Variants in CACNA1C observed in about 807,000 individuals in gnomAD.
CACNA1C encodes the protein voltage-dependent L-type calcium channel subunit alpha-1C.
Under a neutral mutation model 229.0 loss-of-function variants are expected in CACNA1C, and 30 were observed. The observed-to-expected ratio is 0.13, with a 90% CI of 0.10 to 0.18. The LOEUF is 0.18. CACNA1C is among the 10% of genes least tolerant of loss of function. The probability of loss-of-function intolerance (pLI) is 1.00; values close to 1 mark genes in which losing one functional copy is unlikely to be tolerated. For missense variants in CACNA1C, 1,658 were observed against 2,845.0 expected, an observed-to-expected ratio of 0.58 and a Z score of 9.49; for synonymous variants, 1,114 against 1,132.5, an observed-to-expected ratio of 0.98 and a Z score of 0.33.
At chr12:2,087,692 G>GA (rs1227969526) in intron 1 of CACNA1C, among the ~76,000 whole-genome samples, 3 of 152,104 alleles carry the variant, frequency 2.0e-5, no homozygotes, top group Non-Finnish European at 4.4e-5. Context: ...TGCTTTCCTA[G>GA]AAAAAAATGG....
rs1265155248 is a variant in CACNA1C at position 2,403,725 on chromosome 12, C to A, written c.478-45251C>A. On this transcript the variant is annotated intron_variant, in intron 3 of 46. Transcript: ENST00000399655. This position sits in a 1 kb window ranked among gnomAD's most constrained non-coding sequence, Gnocchi z 4.1. The stretch of plus-strand genomic sequence containing the variant: ...CTCCATCTCTCCAGTCCAGCCCCCA[C>A]CATCTCCCAGTGAGCCCCAGGTAGA... Among the ~76,000 whole-genome samples, 1 of 152,162 alleles carries A rather than the reference C, an allele frequency of 6.6e-6. No homozygotes were observed. The highest frequency in any genetic ancestry group is 1.5e-5 in the Non-Finnish European group (1 of 68,036).
intron 18 of CACNA1C, among the ~76,000 whole-genome samples, chr12:2,588,519 G>A (rs1046289116): frequency 7.2e-5 from 11 of 152,212 alleles, no homozygotes; most frequent in African/African-American, 2.7e-4. Context: ...GTGGCCAAGT[G>A]GGAGCTGGAC....
chr12:2,615,821 T>TGGGGGGGAGGAGCTGCA (rs2080220884), intron 29 of CACNA1C, among the ~76,000 whole-genome samples: 2 of 152,098 alleles, frequency 1.3e-5, no homozygotes, highest in Non-Finnish European at 2.9e-5. Flanking sequence ...GCAAGGGTAC[T>TGGGGGGGAGGAGCTGCA]GGGGGGGAGG....
chr12:2,031,443 A>C (rs993735910), intron 1 of CACNA1C, among the ~76,000 whole-genome samples: 5 of 152,128 alleles, frequency 3.3e-5, no homozygotes, highest in African/African-American at 4.8e-5. Flanking sequence ...TTCAGGCTCA[A>C]CCTTCCAGAA....
rs1169407536 is a variant in CACNA1C, at chr12:2,232,227, G to GTT, written c.477+111821_477+111822dup. 6.3e-3 allele frequency among the ~76,000 whole-genome samples: 465 copies of GTT among 73,524 alleles called. 13 individuals are homozygous for GTT. Among genetic ancestry groups the GTT allele is most frequent in the Middle Eastern group, 0.023 (2 of 86 alleles). The allele number at this position is 73,524 out of a possible 152,430, so 48.2% of individuals were successfully genotyped here. On this transcript the variant is annotated intron_variant, in intron 3 of 46. Coordinates refer to ENST00000399655, the MANE Select transcript of CACNA1C (RefSeq NM_000719.7). Reference sequence around the variant, plus strand: ...TGGTGGTAGTTCTCAGTCTTTCCTTGTTTTTTTTTTTTTTTTTTTTTTTTT... The same window carrying GTT: ...TGGTGGTAGTTCTCAGTCTTTCCTTGTTTTTTTTTTTTTTTTTTTTTTTTTTT...
Position 2,581,769 on chromosome 12 carries a change from TC to T in CACNA1C, c.2080del (p.Gln694SerfsTer10). ...ACCCGGAGGAGCACATTCGATAACTTCCCCCAGTCCCTCCTCACTGTGTTTC... is the reference window on the plus strand; with the variant it reads ...ACCCGGAGGAGCACATTCGATAACTTCCCCAGTCCCTCCTCACTGTGTTTC... The part of the protein sequence containing the change: ...MQTRRSTFDN[F>X]PQSLLTVFQI... On this transcript the variant is annotated frameshift_variant, in exon 14 of 47. Coordinates refer to ENST00000399655, the MANE Select transcript of CACNA1C (RefSeq NM_000719.7). LOFTEE classifies it high-confidence loss of function. 1 of 1,610,436 alleles carries T rather than the reference TC, an allele frequency of 6.2e-7. No individual in the cohort carries two copies. The highest frequency in any genetic ancestry group is 8.5e-7 in the Non-Finnish European group (1 of 1,177,198).
intron 1 of CACNA1C, among the ~76,000 whole-genome samples, chr12:1,981,012 A>G (rs1344790656): frequency 1.3e-5 from 2 of 152,196 alleles, no homozygotes; most frequent in South Asian, 2.1e-4. Flanking sequence ...TATATGCATT[A>G]TACATCATCT....
At chr12:2,352,066 C>A (rs1057179225) in intron 3 of CACNA1C, among the ~76,000 whole-genome samples, 4 of 152,216 alleles carry the variant, frequency 2.6e-5, no homozygotes, top group Admixed American at 6.5e-5. Flanking sequence ...AGCACAATCA[C>A]CCTGTCCCTA....
chr12:2,205,596 A>G (rs962031146), intron 3 of CACNA1C, among the ~76,000 whole-genome samples: 2 of 152,188 alleles, frequency 1.3e-5, no homozygotes, highest in Non-Finnish European at 2.9e-5. Context: ...GGTCCTGTGC[A>G]TTGCAAGTGC....
chr12:2,143,734 A>G (rs1160443358), intron 3 of CACNA1C, among the ~76,000 whole-genome samples: 1 of 151,172 alleles, frequency 6.6e-6, no homozygotes, highest in African/African-American at 2.4e-5. Context: ...ATACAAGACT[A>G]TAATTAGGGG....
At chr12:2,586,718 G>A (rs1197323222) in intron 18 of CACNA1C, among the ~76,000 whole-genome samples, 3 of 152,214 alleles carry the variant, frequency 2.0e-5, no homozygotes, top group African/African-American at 7.2e-5. Context: ...TATGAGCAAA[G>A]CTCGGTTTCC....
intron 1 of CACNA1C, among the ~76,000 whole-genome samples, chr12:2,091,082 T>C (rs972419071): frequency 3.9e-5 from 6 of 152,212 alleles, no homozygotes; most frequent in African/African-American, 1.4e-4. Flanking sequence ...CTCTTTCTGC[T>C]CTGCCCATAT....
At chr12:2,265,822 T>C (rs560332120) in intron 3 of CACNA1C, among the ~76,000 whole-genome samples, 1 of 152,294 alleles carries the variant, frequency 6.6e-6, no homozygotes, top group African/African-American at 2.4e-5. Context: ...GAGAGCTGGG[T>C]GGCCCAGCAA....
At chr12:2,201,286 A>G (rs2239020) in intron 3 of CACNA1C, among the ~76,000 whole-genome samples, 51,841 of 152,106 alleles carry the variant, frequency 0.34, 9,327 homozygotes, top group South Asian at 0.39. Flanking sequence ...AGATTCAATA[A>G]TTGAGCCTGA....
upstream of CACNA1C, among the ~76,000 whole-genome samples, chr12:2,048,137 T>C (rs1397249559): frequency 6.6e-6 from 1 of 152,184 alleles, no homozygotes. Flanking sequence ...CATGTCCACC[T>C]TCCAGAGGCT....
intron 1 of CACNA1C, among the ~76,000 whole-genome samples, chr12:2,079,902 A>T (rs1161036632): frequency 2.0e-5 from 3 of 152,202 alleles, no homozygotes; most frequent in Non-Finnish European, 2.9e-5. Context: ...GAGTCAGCAG[A>T]TATAACAAAC....
chr12:2,367,609 TTTAA>T (rs1165454421), intron 3 of CACNA1C, among the ~76,000 whole-genome samples: 7 of 152,128 alleles, frequency 4.6e-5, no homozygotes, highest in African/African-American at 1.2e-4. Flanking sequence ...AGGCTAAAAG[TTTAA>T]TTAATTAATT....
At chr12:2,563,045 T>C (rs2048334567) in intron 11 of CACNA1C, among the ~76,000 whole-genome samples, 2 of 152,200 alleles carry the variant, frequency 1.3e-5, no homozygotes, top group African/African-American at 2.4e-5. Flanking sequence ...CCTTTCCAGC[T>C]TCTGGTAACC....
At chr12:2,121,904 C>T (rs1411433355) in intron 3 of CACNA1C, among the ~76,000 whole-genome samples, 2 of 152,230 alleles carry the variant, frequency 1.3e-5, no homozygotes, top group African/African-American at 4.8e-5. Context: ...AAGCTGATGA[C>T]ACTTGGGGCT....
Sources: allele counts gnomAD v4.1 joint callset (sites outside exome capture counted in the v4.1 genomes callset), GRCh38; gene constraint gnomAD v4.1.1; non-coding constraint Gnocchi (gnomAD v3.1); transcripts MANE v1.5; gene names NCBI Gene and HGNC (gene_info 2026-07-23, HGNC 2026-07-21).